WDR48: variants seen among roughly 807,000 people sequenced by gnomAD.
WDR48 encodes WD repeat domain 48.
A neutral mutation model predicts 94.0 loss-of-function variants in WDR48; 22 were observed. That is an observed-to-expected ratio of 0.23 (90% CI 0.17 to 0.33). The LOEUF is 0.33. Among genes scored for constraint, WDR48 ranks in the 10% least tolerant of loss-of-function variants. The pLI, the probability that WDR48 is intolerant of heterozygous loss-of-function variation, is 1.00. For synonymous variants in WDR48, 278 were observed against 280.5 expected, an observed-to-expected ratio of 0.99 and a Z score of 0.09; for missense variants, 541 against 813.8, an observed-to-expected ratio of 0.66 and a Z score of 4.08.
chr3:39,087,046 C>T (rs1387902995), intron 14 of WDR48, among the ~76,000 whole-genome samples: 1 of 152,156 alleles, frequency 6.6e-6, no homozygotes, highest in Non-Finnish European at 1.5e-5. Flanking sequence ...GGTCCCTGTC[C>T]TTCAGGAGCT....
intron 1 of WDR48, among the ~76,000 whole-genome samples, 192 bp from the exon 2 acceptor site, chr3:39,062,858 A>G (rs978269234): frequency 4.6e-5 from 7 of 152,230 alleles, no homozygotes; most frequent in African/African-American, 1.7e-4. Flanking sequence ...ATGTTGGACT[A>G]GGCTATCATT....
At chr3:39,058,089 C>A (rs1386314843) in intron 1 of WDR48, among the ~76,000 whole-genome samples, 1 of 152,084 alleles carries the variant, frequency 6.6e-6, no homozygotes, top group East Asian at 1.9e-4. Context: ...CAGTCTAGAC[C>A]TCCATCAACT....
chr3:39,064,990 G>A (rs985579413), intron 2 of WDR48, among the ~76,000 whole-genome samples: 1 of 152,196 alleles, frequency 6.6e-6, no homozygotes, highest in Non-Finnish European at 1.5e-5. Flanking sequence ...CTGGAAATCT[G>A]CCTGTCTTGC....
intron 8 of WDR48, among the ~76,000 whole-genome samples, chr3:39,075,870 G>GT (rs895288313): frequency 4.0e-5 from 6 of 151,072 alleles, no homozygotes; most frequent in Admixed American, 6.6e-5. Flanking sequence ...ATTTTTTTTT[G>GT]TTTTTTTAGT....
chr3:39,072,524 T>A (rs1453809580), intron 7 of WDR48, among the ~76,000 whole-genome samples: 1 of 152,218 alleles, frequency 6.6e-6, no homozygotes, highest in Non-Finnish European at 1.5e-5. Flanking sequence ...CCGGGAACAC[T>A]CCTGTTGGTC....
intron 18 of WDR48, 81 bp from the exon 19 acceptor site, chr3:39,094,567 C>T: frequency 1.3e-6 from 2 of 1,577,434 alleles, no homozygotes; most frequent in South Asian, 1.1e-5. Flanking sequence ...GCTGGATCAC[C>T]TGATGAGAGT....
intron 8 of WDR48, among the ~76,000 whole-genome samples, chr3:39,076,440 G>C (rs1254391036): frequency 6.6e-6 from 1 of 152,168 alleles, no homozygotes; most frequent in East Asian, 1.9e-4. Context: ...TGTTGGCTGT[G>C]GGGGAAAGAC....
Position 39,094,672 on chromosome 3 carries a change from C to T in WDR48, c.1963C>T (p.Arg655Ter). 2 of 1,614,122 alleles carry T rather than the reference C, an allele frequency of 1.2e-6. No individual in the cohort carries two copies. Among genetic ancestry groups the T allele is most frequent in the Non-Finnish European group, 1.7e-6 (2 of 1,180,018 alleles). ...GGTTTTGGATCCAAATATGGACCTT[C>T]GAACAGTGAAACACTTCATATGGAA... is the stretch of plus-strand genomic sequence containing the variant. ...DQVLDPNMDL[R>*]TVKHFIWKSG... The change falls in exon 19 of 19, where the codon CGA becomes TGA. Residue 655 changes from arginine to a stop codon, truncating the protein, a stop_gained. Transcript: ENST00000302313. LOFTEE classifies it high-confidence loss of function.
intron 17 of WDR48, 63 bp downstream of exon 17, chr3:39,091,764 T>G: frequency 1.5e-6 from 2 of 1,355,144 alleles, no homozygotes; most frequent in Non-Finnish European, 2.0e-6. Flanking sequence ...TTCCTTATGA[T>G]TGCTTTTATA....
chr3:39,082,396 C>T (rs1056604887), intron 11 of WDR48, among the ~76,000 whole-genome samples: 17 of 152,174 alleles, frequency 1.1e-4, no homozygotes, highest in African/African-American at 3.4e-4. Flanking sequence ...ATTCTCCTGC[C>T]TCAGCCTCCC....
At chr3:39,065,545 C>T (rs1038448794) in intron 2 of WDR48, among the ~76,000 whole-genome samples, 3 of 145,576 alleles carry the variant, frequency 2.1e-5, no homozygotes, top group East Asian at 2.0e-4. Context: ...GTTGCCTTCA[C>T]TTTAACAAGG....
chr3:39,084,067 G>C (rs1354261716), intron 11 of WDR48, 88 bp from the exon 12 acceptor site: 3 of 985,138 alleles, frequency 3.0e-6, no homozygotes, highest in Non-Finnish European at 4.4e-6. Context: ...AGACACATGT[G>C]AAAATATGTA....
In WDR48 at chr3:39,095,549, G is replaced by T. The variant is rs2035296653; in HGVS notation, c.*806G>T. On this transcript the variant is annotated 3_prime_UTR_variant, in exon 19 of 19. Coordinates refer to ENST00000302313, the MANE Select transcript of WDR48 (RefSeq NM_020839.4). ...TACACAAAGCGAGCTGAGACCACAG[G>T]TTCTTGCTCTGGATGAGCAGCATGA... 6.6e-6 allele frequency: 1 copy of T among 152,206 alleles called. No homozygotes were observed. The allele number at this position is 152,206 out of a possible 1,614,324, so 9.4% of individuals were successfully genotyped here. A position where few individuals can be genotyped will look rare whatever the true frequency, so the allele number is the denominator to read the frequency against.
Position 39,096,063 on chromosome 3 carries a change from C to T in WDR48, c.*1320C>T, listed in dbSNP as rs9761. The T allele has an allele frequency of 6.6e-6, 1 of 152,608 alleles. No individual in the cohort carries two copies. The highest frequency in any genetic ancestry group is 2.1e-4 in the South Asian group (1 of 4,822). 9.5% of individuals were successfully genotyped at this position (152,608 alleles called of 1,614,324 possible). A position where few individuals can be genotyped will look rare whatever the true frequency, so the allele number is the denominator to read the frequency against. ...GGGAGGGAGGCAGGGAACGTTTTTT[C>T]TTTTCTACATCTTCACAGGTTCGGC... On this transcript the variant is annotated 3_prime_UTR_variant, in exon 19 of 19. Coordinates refer to ENST00000302313, the MANE Select transcript of WDR48 (RefSeq NM_020839.4).
chr3:39,094,193 A>G (rs2035224522), intron 18 of WDR48, 127 bp downstream of exon 18: 1 of 1,464,902 alleles, frequency 6.8e-7, no homozygotes, highest in South Asian at 1.5e-5. Context: ...TCTCCTACCT[A>G]AAGCCCACCC....
Position 39,063,212 on chromosome 3 carries a change from G to C in WDR48, c.189+22G>C, listed in dbSNP as rs764493465. On this transcript the variant is annotated intron_variant, in intron 2 of 18. Coordinates refer to ENST00000302313, the MANE Select transcript of WDR48 (RefSeq NM_020839.4). Reference sequence around the variant, plus strand: ...CAAGGTAATGCAGGGATTAAAATCTGTACCCAGCAAATTCTGGACAAATGG... The same window carrying C: ...CAAGGTAATGCAGGGATTAAAATCTCTACCCAGCAAATTCTGGACAAATGG... The C allele has an allele frequency of 5.3e-5, 86 of 1,609,238 alleles. 1 individual carries two copies. In the South Asian group the frequency reaches 9.2e-4, roughly 17 times the overall value.
At chr3:39,074,675 G>T in intron 7 of WDR48, 51 bp from the exon 8 acceptor site, 1 of 1,573,814 alleles carries the variant, frequency 6.4e-7, no homozygotes, top group Non-Finnish European at 8.7e-7. Context: ...CAAAGCACAA[G>T]AAAGCAGGAA....
At position 39,094,590 on chromosome 3, in the gene WDR48, G is replaced by A. The variant is rs1005461174; in HGVS notation, c.1939-58G>A. On this transcript the variant is annotated intron_variant, in intron 18 of 18. Transcript: ENST00000302313. ...ACCTGATGAGAGTCCCTGAGTTAAT[G>A]ATAAGGTTTTAGATATTAGAGACTT... 1.9e-6 allele frequency: 3 copies of A among 1,604,888 alleles called. No homozygotes were observed. The African/African-American group carries it at 4.0e-5, about 21-fold the overall frequency.
At chr3:39,062,944 A>G (rs1254246264) in intron 1 of WDR48, 106 bp from the exon 2 acceptor site, 2 of 1,410,976 alleles carry the variant, frequency 1.4e-6, no homozygotes, top group Admixed American at 2.2e-5. Context: ...AAAAGTACAT[A>G]TTGGAAAACA....
Sources: gnomAD v4.1 joint callset for allele counts (sites outside exome capture counted in the v4.1 genomes callset) on GRCh38, gnomAD v4.1.1 for gene constraint, MANE v1.5 for transcripts, NCBI Gene and HGNC (gene_info 2026-07-23, HGNC 2026-07-21) for gene names.